KIF6: variants seen among roughly 807,000 people sequenced by gnomAD.
The protein encoded by KIF6 is kinesin family member 6.
In KIF6, 106 loss-of-function variants were observed where a neutral mutation model predicts 112.7. That is an observed-to-expected ratio of 0.94 (90% confidence interval 0.80 to 1.11). The LOEUF is 1.11. Among genes scored for constraint, KIF6 ranks in the 50% least tolerant of loss-of-function variants. KIF6 has a pLI of 0.00. For synonymous variants in KIF6, 339 were observed against 339.9 expected (o/e 1.00, Z 0.03); for missense variants, 929 against 964.0 (o/e 0.96, Z 0.48).
chr6:39,686,693 C>A (rs768788030), intron 3 of KIF6, among the ~76,000 whole-genome samples: 1 of 152,178 alleles, frequency 6.6e-6, no homozygotes, highest in Non-Finnish European at 1.5e-5. Flanking sequence ...GTGAACAAAT[C>A]TGTCAAAACC....
chr6:39,537,134 C>T (rs1024570905), intron 13 of KIF6, among the ~76,000 whole-genome samples: 36 of 152,218 alleles, frequency 2.4e-4, no homozygotes, highest in African/African-American at 7.7e-4. Flanking sequence ...AAACTGGAAG[C>T]ATTCCCTTTG....
chr6:39,337,062 T>G (rs866616555), intron 22 of KIF6, among the ~76,000 whole-genome samples: 1 of 125,106 alleles, frequency 8.0e-6, no homozygotes, highest in Non-Finnish European at 1.8e-5. Flanking sequence ...CTTTCTTTCT[T>G]TCTTTCTCTT....
At chr6:39,477,211 T>G (rs990536305) in intron 13 of KIF6, among the ~76,000 whole-genome samples, 1 of 152,148 alleles carries the variant, frequency 6.6e-6, no homozygotes, top group Admixed American at 6.5e-5. Context: ...GAACCCCCTG[T>G]GTTGACAAGG....
chr6:39,647,706 ATTTTT>A (rs1185142569), intron 3 of KIF6, among the ~76,000 whole-genome samples: 1 of 136,648 alleles, frequency 7.3e-6, no homozygotes. Context: ...GAAGGCCCTG[ATTTTT>A]TTTTTTTTTT....
chr6:39,714,505 T>C (rs1158370247), intron 3 of KIF6, among the ~76,000 whole-genome samples, 187 bp downstream of exon 3: 1 of 152,190 alleles, frequency 6.6e-6, no homozygotes, highest in Admixed American at 6.5e-5. Context: ...TTGTTTTGTT[T>C]TGAGACTCAG....
chr6:39,517,689 A>G (rs1050007006), intron 13 of KIF6, among the ~76,000 whole-genome samples: 4 of 152,228 alleles, frequency 2.6e-5, no homozygotes, highest in African/African-American at 9.6e-5. Context: ...AGGAGTAATG[A>G]GCAGTGAAGT....
Position 39,539,292 on chromosome 6 carries a change from G to C in KIF6, c.1645+711C>G, listed in dbSNP as rs139658523. Among the ~76,000 whole-genome samples, 346 of 151,780 alleles carry C rather than the reference G, an allele frequency of 2.3e-3. 1 individual carries two copies. The highest frequency in any genetic ancestry group is 7.7e-3 in the African/African-American group (317 of 41,382). ...CTGAGTTGGCCCAACCCTGCCAAAT[G>C]CTATTACGTGACAAAGTTTTATTAA... On this transcript the variant is annotated intron_variant, in intron 13 of 22. Transcript: ENST00000287152.
chr6:39,385,815 G>C (rs1581734842), intron 15 of KIF6, 143 bp from the exon 16 acceptor site: 3 of 657,314 alleles, frequency 4.6e-6, no homozygotes, highest in Non-Finnish European at 8.1e-6. Flanking sequence ...TCCAAGAAAT[G>C]ACCTTCCATG....
At chr6:39,669,455 T>C (rs1185844684) in intron 3 of KIF6, among the ~76,000 whole-genome samples, 2 of 152,376 alleles carry the variant, frequency 1.3e-5, no homozygotes, top group African/African-American at 2.4e-5. Flanking sequence ...TTCATCTAAG[T>C]TTCACGTCTT....
chr6:39,421,519 C>G (rs1022250302), intron 14 of KIF6, among the ~76,000 whole-genome samples: 1 of 152,184 alleles, frequency 6.6e-6, no homozygotes, highest in African/African-American at 2.4e-5. Context: ...CAGAGGAGGG[C>G]ATTCCAGGCA....
At chr6:39,439,895 A>T (rs1346287452) in intron 13 of KIF6, among the ~76,000 whole-genome samples, 1 of 152,198 alleles carries the variant, frequency 6.6e-6, no homozygotes, top group Non-Finnish European at 1.5e-5. Context: ...TACATGGGCC[A>T]GAGCTTATTT....
intron 6 of KIF6, among the ~76,000 whole-genome samples, chr6:39,611,281 C>G (rs1157880702): frequency 2.0e-5 from 3 of 152,046 alleles, no homozygotes; most frequent in African/African-American, 7.3e-5. Context: ...GGCACTCCAG[C>G]TTAGGCAACA....
At chr6:39,667,442 G>A (rs1268518023) in intron 3 of KIF6, among the ~76,000 whole-genome samples, 2 of 152,098 alleles carry the variant, frequency 1.3e-5, no homozygotes, top group Non-Finnish European at 2.9e-5. Context: ...GATGGCACCC[G>A]CTAACACTGT....
At chr6:39,518,237 T>A (rs1218941438) in intron 13 of KIF6, among the ~76,000 whole-genome samples, 1 of 152,136 alleles carries the variant, frequency 6.6e-6, no homozygotes, top group South Asian at 2.1e-4. Context: ...AAAGAGCTAG[T>A]ATGTGCACAT....
chr6:39,704,166 G>C (rs143001649), intron 3 of KIF6, among the ~76,000 whole-genome samples: 27 of 152,118 alleles, frequency 1.8e-4, no homozygotes, highest in Non-Finnish European at 3.5e-4. Context: ...TGTCAGTGGG[G>C]AGCCAAAAAT....
chr6:39,366,174 T>C (rs1322020678), intron 16 of KIF6, among the ~76,000 whole-genome samples: 1 of 152,152 alleles, frequency 6.6e-6, no homozygotes, highest in Non-Finnish European at 1.5e-5. Context: ...ATCAACGCCA[T>C]CTGGGGAGTC....
intron 3 of KIF6, among the ~76,000 whole-genome samples, chr6:39,642,571 G>C (rs1264395271): frequency 3.9e-5 from 6 of 152,070 alleles, no homozygotes; most frequent in Admixed American, 2.6e-4. Flanking sequence ...TGTTAGACCT[G>C]ATTCAGAGTT....
rs1764786113 is a variant in KIF6, at chr6:39,357,388, A to G, written c.2083-14T>C. 1.3e-6 allele frequency: 2 copies of G among 1,560,458 alleles called. No individual in the cohort carries two copies. The highest frequency in any genetic ancestry group is 1.8e-6 in the Non-Finnish European group (2 of 1,132,022). The stretch of plus-strand genomic sequence containing the variant: ...TGGAGAATTTACCTGTTGGCCCCAG[A>G]AGGAGTTTCACAGTGTTAGCTTGAA... On this transcript the variant is annotated splice_polypyrimidine_tract_variant and intron_variant, in intron 18 of 22. Coordinates refer to ENST00000287152, the MANE Select transcript of KIF6 (RefSeq NM_145027.6).
intron 13 of KIF6, among the ~76,000 whole-genome samples, chr6:39,523,879 A>G (rs1320399979): frequency 6.6e-6 from 1 of 151,552 alleles, no homozygotes; most frequent in Non-Finnish European, 1.5e-5. Flanking sequence ...TTTACCTTCT[A>G]AACTCCAACA....
Sources: gnomAD v4.1 joint callset for allele counts (sites outside exome capture counted in the v4.1 genomes callset) on GRCh38, gnomAD v4.1.1 for gene constraint, MANE v1.5 for transcripts, NCBI Gene and HGNC (gene_info 2026-07-23, HGNC 2026-07-21) for gene names.